Variants in CDH13 observed in about 807,000 individuals in gnomAD.
CDH13 encodes cadherin-13.
Under a neutral mutation model 63.8 loss-of-function variants are expected in CDH13, and 24 were observed. The ratio of observed to expected loss-of-function variants is 0.38; its 90% CI spans 0.27 to 0.53. The LOEUF is 0.53. CDH13 is among the 20% of genes least tolerant of loss of function. The pLI is 0.85. For synonymous variants in CDH13, 503 were observed against 355.3 expected (o/e 1.42, Z -4.67); for missense variants, 1,049 against 903.1 (o/e 1.16, Z -2.07).
At chr16:82,673,499 A>G (rs1455642140) in intron 1 of CDH13, among the ~76,000 whole-genome samples, 2 of 152,226 alleles carry the variant, frequency 1.3e-5, no homozygotes, top group African/African-American at 2.4e-5. Flanking sequence ...GTGATGAACA[A>G]GATGGACACA....
chr16:83,335,247 T>C (rs2090568111), intron 5 of CDH13, among the ~76,000 whole-genome samples: 1 of 152,248 alleles, frequency 6.6e-6, no homozygotes, highest in South Asian at 2.1e-4. Flanking sequence ...TCCAGGAAGA[T>C]TGTATCAAGT....
intron 2 of CDH13, among the ~76,000 whole-genome samples, chr16:82,866,346 T>C (rs931870419): frequency 6.6e-6 from 1 of 151,254 alleles, no homozygotes; most frequent in African/African-American, 2.4e-5. Flanking sequence ...CAATTTACTG[T>C]ATTAGTCTGT....
At chr16:83,594,116 TCA>T (rs1907031773) in intron 7 of CDH13, among the ~76,000 whole-genome samples, 2 of 152,236 alleles carry the variant, frequency 1.3e-5, no homozygotes, top group Admixed American at 1.3e-4. Context: ...ACTTCCAAGT[TCA>T]CTCAGTGGCT....
At chr16:82,901,932 C>T (rs2151244998) in intron 2 of CDH13, among the ~76,000 whole-genome samples, 1 of 152,124 alleles carries the variant, frequency 6.6e-6, no homozygotes, top group East Asian at 1.9e-4. Flanking sequence ...CCTAACCATC[C>T]CAGAAAATCT....
At chr16:83,446,929 C>A (rs2072706111) in intron 6 of CDH13, among the ~76,000 whole-genome samples, 1 of 151,334 alleles carries the variant, frequency 6.6e-6, no homozygotes. Context: ...TTAAGCTGAA[C>A]CATTGATTTA....
intron 3 of CDH13, among the ~76,000 whole-genome samples, chr16:83,032,834 T>A (rs1422773924): frequency 6.6e-6 from 1 of 152,172 alleles, no homozygotes; most frequent in Admixed American, 6.5e-5. Context: ...GAAATGTAGT[T>A]CCTCAAAGTA....
chr16:83,634,886 G>A (rs530339413), intron 8 of CDH13, among the ~76,000 whole-genome samples: 2 of 152,302 alleles, frequency 1.3e-5, no homozygotes, highest in African/African-American at 2.4e-5. Flanking sequence ...TGCAGTTAGA[G>A]CCACCCTGAA....
intron 5 of CDH13, among the ~76,000 whole-genome samples, chr16:83,332,470 TAAA>T (rs924490689): frequency 6.6e-6 from 1 of 151,914 alleles, no homozygotes; most frequent in Non-Finnish European, 1.5e-5. Flanking sequence ...ACTGTAAACT[TAAA>T]AAAAAGGTAT....
intron 1 of CDH13, among the ~76,000 whole-genome samples, chr16:82,804,466 A>G (rs2037045798): frequency 2.0e-5 from 3 of 152,334 alleles, no homozygotes; most frequent in Non-Finnish European, 2.9e-5. Flanking sequence ...ATTGCACGTT[A>G]AAGATACTTT....
intron 1 of CDH13, among the ~76,000 whole-genome samples, chr16:82,640,353 C>T (rs1179628379): frequency 6.6e-6 from 1 of 152,142 alleles, no homozygotes; most frequent in Non-Finnish European, 1.5e-5. Flanking sequence ...TGTCAACTCT[C>T]TACTTTTTGT....
At chr16:83,264,568 A>T (rs200073710) in intron 5 of CDH13, among the ~76,000 whole-genome samples, 1 of 131,010 alleles carries the variant, frequency 7.6e-6, no homozygotes, top group Non-Finnish European at 1.7e-5. Context: ...GTGTGTGTGT[A>T]TACATATGTG....
Position 83,502,915 on chromosome 16 carries a change from C to A in CDH13, c.960+16260C>A, listed in dbSNP as rs536145219. ...CCTAGAAGGCTGGGTGGCTGCCATC[C>A]CACCCAACCAGCCTGCCTGAGTTGG... is the stretch of plus-strand genomic sequence containing the variant. On this transcript the variant is annotated intron_variant, in intron 7 of 13. Transcript: ENST00000567109. Among the ~76,000 whole-genome samples the A allele has an allele frequency of 2.6e-5, 4 of 152,298 alleles. No individual in the cohort carries two copies. In the East Asian group the frequency reaches 7.7e-4, roughly 29 times the overall value.
intron 10 of CDH13, among the ~76,000 whole-genome samples, chr16:83,743,748 C>CCTTTTTTTTTTTT (rs1912280138): frequency 2.6e-5 from 2 of 76,258 alleles, no homozygotes; most frequent in African/African-American, 1.1e-4. Context: ...TTTCTTTTTT[C>CCTTTTTTTTTTTT]TTTTTTTTTT....
chr16:83,443,705 G>GAAAA (rs1167862979), intron 6 of CDH13, among the ~76,000 whole-genome samples: 3 of 107,120 alleles, frequency 2.8e-5, no homozygotes, highest in African/African-American at 1.3e-4. Context: ...AAGTCCCTAC[G>GAAAA]AAAAAAAAAA....
chr16:83,038,403 C>T (rs1189051218), intron 3 of CDH13, among the ~76,000 whole-genome samples: 4 of 152,152 alleles, frequency 2.6e-5, no homozygotes, highest in Non-Finnish European at 5.9e-5. Context: ...TATGTAAGAT[C>T]ACCTTAGATC....
chr16:82,783,508 C>T (rs1168233895), intron 1 of CDH13, among the ~76,000 whole-genome samples: 1 of 152,200 alleles, frequency 6.6e-6, no homozygotes, highest in Non-Finnish European at 1.5e-5. Flanking sequence ...GAGGTGGGGT[C>T]CCAGTCCTGA....
intron 3 of CDH13, among the ~76,000 whole-genome samples, chr16:83,063,360 C>G (rs948709573): frequency 1.3e-5 from 2 of 152,174 alleles, no homozygotes; most frequent in Non-Finnish European, 2.9e-5. Context: ...ATCAGTTCCC[C>G]TGTGTTCTGT....
chr16:83,027,965 A>G (rs1915970516), intron 2 of CDH13, among the ~76,000 whole-genome samples: 1 of 152,212 alleles, frequency 6.6e-6, no homozygotes, highest in Non-Finnish European at 1.5e-5. Flanking sequence ...CTCAGCATCT[A>G]GCATAATGTA....
chr16:83,268,742 T>G (rs955256728), intron 5 of CDH13, among the ~76,000 whole-genome samples: 2 of 152,160 alleles, frequency 1.3e-5, no homozygotes, highest in Non-Finnish European at 2.9e-5. Flanking sequence ...TGTTGAGAAA[T>G]AGGATTTATA....
Sources: gnomAD v4.1 joint callset for allele counts (sites outside exome capture counted in the v4.1 genomes callset) on GRCh38, gnomAD v4.1.1 for gene constraint, MANE v1.5 for transcripts, NCBI Gene and HGNC (gene_info 2026-07-23, HGNC 2026-07-21) for gene names.